The following NOSTRIN variants were observed in gnomAD, a reference collection of about 807,000 sequenced individuals.
The protein encoded by NOSTRIN is BM247 homolog.
A neutral mutation model predicts 59.0 loss-of-function variants in NOSTRIN; 63 were observed. That is an observed-to-expected ratio of 1.07 (90% CI 0.87 to 1.32). The LOEUF (loss-of-function observed/expected upper bound fraction) is 1.32, where lower values mean the gene tolerates loss of function less well. NOSTRIN is among the 40% of genes most tolerant of loss of function. NOSTRIN has a pLI of 0.00. For missense variants in NOSTRIN, 512 were observed against 473.1 expected (o/e 1.08, Z -0.76); for synonymous variants, 200 against 165.4 (o/e 1.21, Z -1.61).
intron 2 of NOSTRIN, among the ~76,000 whole-genome samples, chr2:168,819,046 G>GA (rs5836206): frequency 0.97 from 146,881 of 152,004 alleles, 71,004 homozygotes; most frequent in East Asian, 1. Context: ...AGAATGGAAA[G>GA]AAAAAAATGC....
At chr2:168,832,447 A>G (rs1415870395) in intron 6 of NOSTRIN, among the ~76,000 whole-genome samples, 1 of 152,180 alleles carries the variant, frequency 6.6e-6, no homozygotes, top group Non-Finnish European at 1.5e-5. Context: ...AAGTGTTGAA[A>G]TCCTTTTTCA....
chr2:168,846,048 G>A (rs1688402171), intron 8 of NOSTRIN, among the ~76,000 whole-genome samples: 1 of 152,100 alleles, frequency 6.6e-6, no homozygotes, highest in Non-Finnish European at 1.5e-5. Context: ...CTTCTGTCCA[G>A]TCACTCTTGC....
At chr2:168,794,216 T>C (rs1685425679), upstream of NOSTRIN, among the ~76,000 whole-genome samples, 2 of 152,184 alleles carry the variant, frequency 1.3e-5, no homozygotes, top group African/African-American at 4.8e-5. Context: ...TACACATGAA[T>C]GAATTATCAA....
chr2:168,810,857 C>T (rs1415875235), intron 1 of NOSTRIN, among the ~76,000 whole-genome samples: 3 of 152,178 alleles, frequency 2.0e-5, no homozygotes, highest in African/African-American at 7.2e-5. Flanking sequence ...AATCTGTTGT[C>T]ATCAATGTCT....
chr2:168,799,333 T>C (rs1685559210), upstream of NOSTRIN, among the ~76,000 whole-genome samples: 1 of 152,216 alleles, frequency 6.6e-6, no homozygotes, highest in African/African-American at 2.4e-5. Flanking sequence ...AGGTTGTTAA[T>C]ATTAATTCCA....
intron 8 of NOSTRIN, among the ~76,000 whole-genome samples, chr2:168,849,970 C>G (rs1688660661): frequency 6.8e-6 from 1 of 147,584 alleles, no homozygotes; most frequent in African/African-American, 2.5e-5. Flanking sequence ...GGCTGGAGTG[C>G]AGTAGCATGA....
At chr2:168,826,072 T>G (rs1018097353) in intron 3 of NOSTRIN, among the ~76,000 whole-genome samples, 4 of 152,222 alleles carry the variant, frequency 2.6e-5, no homozygotes, top group African/African-American at 7.2e-5. Context: ...CAAGATCTCT[T>G]TAAAGTAAAA....
At chr2:168,818,595 T>C (rs1013674125) in intron 2 of NOSTRIN, among the ~76,000 whole-genome samples, 4 of 152,224 alleles carry the variant, frequency 2.6e-5, no homozygotes, top group Non-Finnish European at 1.5e-5. Context: ...TACATTTTAA[T>C]TAGCGCTTTA....
intron 12 of NOSTRIN, among the ~76,000 whole-genome samples, chr2:168,858,327 T>C (rs1297181300): frequency 6.6e-6 from 1 of 152,242 alleles, no homozygotes; most frequent in Non-Finnish European, 1.5e-5. Context: ...CATGATTTCA[T>C]TACGCATGCT....
At chr2:168,832,208 C>T (rs999383836) in intron 6 of NOSTRIN, among the ~76,000 whole-genome samples, 1 of 151,786 alleles carries the variant, frequency 6.6e-6, no homozygotes, top group Non-Finnish European at 1.5e-5. Flanking sequence ...GGCTAGATGA[C>T]GTGTGCAGGA....
At chr2:168,836,166 C>G (rs1482614861) in intron 7 of NOSTRIN, among the ~76,000 whole-genome samples, 2 of 152,316 alleles carry the variant, frequency 1.3e-5, no homozygotes, top group African/African-American at 4.8e-5. Flanking sequence ...ATGATCATAA[C>G]AAGTATTGAA....
In NOSTRIN at chr2:168,824,733, G is replaced by C. The variant is rs1165550911; in HGVS notation, c.197+16G>C. On this transcript the variant is annotated intron_variant, in intron 3 of 15. Coordinates refer to ENST00000317647, the MANE Select transcript of NOSTRIN (RefSeq NM_001039724.4). The stretch of plus-strand genomic sequence containing the variant: ...CGAGAAAAAGGTAAGTATTGTGGCA[G>C]AGGTAAGGCAAAATCAACCCTTTTT... The C allele has an allele frequency of 1.1e-6, 1 of 871,148 alleles. No individual in the cohort carries two copies. The highest frequency in any genetic ancestry group is 2.4e-5 in the East Asian group (1 of 41,616). The allele number at this position is 871,148 out of a possible 1,614,324, so 54.0% of individuals were successfully genotyped here.
intron 7 of NOSTRIN, among the ~76,000 whole-genome samples, chr2:168,839,047 A>T (rs1467103976): frequency 6.6e-6 from 1 of 152,240 alleles, no homozygotes; most frequent in East Asian, 1.9e-4. Flanking sequence ...GGCCTCCCAA[A>T]GTGCTGGGAT....
At chr2:168,804,577 A>G (rs748774826) in intron 1 of NOSTRIN, among the ~76,000 whole-genome samples, 1 of 152,228 alleles carries the variant, frequency 6.6e-6, no homozygotes, top group African/African-American at 2.4e-5. Flanking sequence ...TGAGTGCCTC[A>G]TGAAACATTT....
At chr2:168,811,041 T>C (rs1686107674) in intron 1 of NOSTRIN, among the ~76,000 whole-genome samples, 1 of 152,202 alleles carries the variant, frequency 6.6e-6, no homozygotes, top group Non-Finnish European at 1.5e-5. Flanking sequence ...TGCGATAACA[T>C]TTTTCTTACT....
intron 5 of NOSTRIN, among the ~76,000 whole-genome samples, chr2:168,829,236 C>T (rs1366313805): frequency 1.3e-5 from 2 of 152,108 alleles, no homozygotes; most frequent in African/African-American, 4.8e-5. Flanking sequence ...TGTGCCTTTC[C>T]TTCTAGAACA....
intron 11 of NOSTRIN, chr2:168,856,487 A>T: frequency 1.8e-6 from 1 of 555,816 alleles, no homozygotes; most frequent in Non-Finnish European, 3.2e-6. Flanking sequence ...AGGGAGGAGA[A>T]TTGTTTGAAC....
intron 15 of NOSTRIN, among the ~76,000 whole-genome samples, chr2:168,862,341 A>C (rs1020236901): frequency 2.0e-5 from 3 of 152,232 alleles, no homozygotes; most frequent in African/African-American, 7.2e-5. Context: ...AGACTGATAC[A>C]CAGGAAGGTT....
chr2:168,802,815 T>C, intron 1 of NOSTRIN, 142 bp downstream of exon 1: 1 of 728,536 alleles, frequency 1.4e-6, no homozygotes, highest in South Asian at 1.6e-5. Flanking sequence ...CAAAAGTTTG[T>C]GGTTTTTCTT....
Sources: allele counts gnomAD v4.1 joint callset (sites outside exome capture counted in the v4.1 genomes callset), GRCh38; gene constraint gnomAD v4.1.1; transcripts MANE v1.5; gene names NCBI Gene and HGNC (gene_info 2026-07-23, HGNC 2026-07-21).